RAB36: variants seen among roughly 807,000 people sequenced by gnomAD.
RAB36 encodes ras-related protein Rab-36.
RAB36 carries 33 observed loss-of-function variants against 39.3 expected under a neutral mutation model. The observed-to-expected ratio is 0.84, with a 90% CI of 0.64 to 1.12. The LOEUF (loss-of-function observed/expected upper bound fraction) is 1.12. Among genes scored for constraint, RAB36 ranks in the 50% most tolerant of loss-of-function variants. The pLI, the probability that RAB36 is intolerant of heterozygous loss-of-function variation, is 0.00. For missense variants in RAB36, 308 were observed against 355.3 expected (o/e 0.87, Z 1.07); for synonymous variants, 133 against 140.2 (o/e 0.95, Z 0.36).
downstream of RAB36, among the ~76,000 whole-genome samples, chr22:23,166,775 C>T (rs975825849): frequency 7.9e-5 from 12 of 152,272 alleles, no homozygotes; most frequent in African/African-American, 2.6e-4. Flanking sequence ...GAGCCCAGGT[C>T]ACCCCTGACC....
intron 5 of RAB36, chr22:23,153,488 C>T (rs2071280106): frequency 1.7e-5 from 15 of 866,988 alleles, no homozygotes; most frequent in Admixed American, 6.2e-5. Context: ...GGTGGCCTCC[C>T]GCAGGTTGCT....
chr22:23,165,029 C>G lies in RAB36; in HGVS notation c.*3465C>G, dbSNP rs1224625602. 6.6e-6 allele frequency among the ~76,000 whole-genome samples: 1 copy of G among 152,118 alleles called. No individual in the cohort carries two copies. Among genetic ancestry groups the G allele is most frequent in the Non-Finnish European group, 1.5e-5 (1 of 68,014 alleles). On this transcript the variant is annotated 3_prime_UTR_variant, in exon 11 of 11. Coordinates refer to ENST00000263116, the MANE Select transcript of RAB36 (RefSeq NM_004914.5). ...TCCCAGAGAGGCCTCTGTGGACACC[C>G]CCACAGCTCTCGCAGCACTTGATAC... is the stretch of plus-strand genomic sequence containing the variant.
chr22:23,150,491 C>CG (rs1163351517), intron 3 of RAB36, among the ~76,000 whole-genome samples: 1 of 151,806 alleles, frequency 6.6e-6, no homozygotes, highest in African/African-American at 2.4e-5. Context: ...TTAGTAGAGA[C>CG]GGGGTTTCAC....
At chr22:23,149,342 T>G (rs1780438880) in intron 2 of RAB36, among the ~76,000 whole-genome samples, 1 of 152,192 alleles carries the variant, frequency 6.6e-6, no homozygotes, top group Non-Finnish European at 1.5e-5. Flanking sequence ...TTAGTTTGTT[T>G]AATCTCATTT....
chr22:23,157,885 T>C, intron 6 of RAB36, 107 bp from the exon 7 acceptor site: 4 of 1,579,626 alleles, frequency 2.5e-6, no homozygotes, highest in Non-Finnish European at 3.4e-6. Context: ...GAGTGCCTGG[T>C]TGGGGGGCTG....
At chr22:23,153,544 C>T (rs1484450204) in intron 5 of RAB36, 2 of 984,562 alleles carry the variant, frequency 2.0e-6, no homozygotes, top group African/African-American at 3.5e-5. Flanking sequence ...GGGGTCAAAT[C>T]CAGTCCCTGC....
At chr22:23,151,551 G>C (rs938840584) in intron 3 of RAB36, among the ~76,000 whole-genome samples, 2 of 152,108 alleles carry the variant, frequency 1.3e-5, no homozygotes, top group African/African-American at 2.4e-5. Context: ...TGACCATTTG[G>C]CTCCTTGGGG....
chr22:23,161,100 G>A, intron 10 of RAB36, 102 bp downstream of exon 10: 2 of 1,402,822 alleles, frequency 1.4e-6, no homozygotes, highest in South Asian at 2.7e-5. Context: ...TCCTGAACTT[G>A]TGGCCCTCTC....
chr22:23,156,068 C>T, intron 6 of RAB36, 36 bp downstream of exon 6: 1 of 1,576,338 alleles, frequency 6.3e-7, no homozygotes, highest in Non-Finnish European at 8.7e-7. Context: ...CAACTGCATG[C>T]AGCAGCGGGG....
In RAB36 at chr22:23,148,416, G is replaced by A. The variant is rs946581269; in HGVS notation, c.70-1647G>A. ...GAAGAACCTCATTGGCAGAGCAGAC[G>A]GCGAGGATCAGAGTTAAGGAGGGTT... On this transcript the variant is annotated intron_variant, in intron 2 of 10. Coordinates refer to ENST00000263116, the MANE Select transcript of RAB36 (RefSeq NM_004914.5). Among the ~76,000 whole-genome samples, 3 of 152,266 alleles carry A rather than the reference G, an allele frequency of 2.0e-5. No homozygotes were observed. In the South Asian group the frequency reaches 6.2e-4, roughly 32 times the overall value.
In RAB36 at chr22:23,151,235, A is replaced by G. The variant is rs534803665; in HGVS notation, c.161+1081A>G. Among the ~76,000 whole-genome samples, 6 of 152,282 alleles carry G rather than the reference A, an allele frequency of 3.9e-5. No homozygotes were observed. In the South Asian group the frequency reaches 1.2e-3, roughly 32 times the overall value. On this transcript the variant is annotated intron_variant, in intron 3 of 10. Coordinates refer to ENST00000263116, the MANE Select transcript of RAB36 (RefSeq NM_004914.5). ...ATGAGAGTAATGGCATCTGTTGGGG[A>G]ATGCTGGTGCCATATCAGGTGCTTC...
At position 23,145,549 on chromosome 22, in the gene RAB36, C is replaced by G. The variant is rs1366511127; in HGVS notation, c.-15C>G. ...GGAGCCCCAGCTTTCACAGCCATCG[C>G]TGGTGAGTCAGCTCGCCCACTCTGT... On this transcript the variant is annotated splice_region_variant and 5_prime_UTR_variant, in exon 1 of 11. Transcript: ENST00000263116. 1 of 1,600,036 alleles carries G rather than the reference C, an allele frequency of 6.2e-7. No homozygotes were observed. The highest frequency in any genetic ancestry group is 1.3e-5 in the African/African-American group (1 of 74,812).
chr22:23,161,094 G>C lies in RAB36; in HGVS notation c.739+96G>C, dbSNP rs1307412358. On this transcript the variant is annotated intron_variant, in intron 10 of 10. Transcript: ENST00000263116. ...GTCACCTGAGGCCTTGCCATTTCCTGAACTTGTGGCCCTCTCCTGTCCTTT... is the reference window on the plus strand; with the variant it reads ...GTCACCTGAGGCCTTGCCATTTCCTCAACTTGTGGCCCTCTCCTGTCCTTT... 2.1e-6 allele frequency: 3 copies of C among 1,432,786 alleles called. No homozygotes were observed. The African/African-American group carries it at 4.3e-5, about 20-fold the overall frequency. The allele number at this position is 1,432,786 out of a possible 1,614,324, so 88.8% of individuals were successfully genotyped here. A position where few individuals can be genotyped will look rare whatever the true frequency, so the allele number is the denominator to read the frequency against.
chr22:23,160,601 G>T (rs1317039556), intron 9 of RAB36, among the ~76,000 whole-genome samples: 2 of 152,200 alleles, frequency 1.3e-5, no homozygotes, highest in Non-Finnish European at 2.9e-5. Context: ...GGAAGCAAAG[G>T]CTCAGAAGTT....
At chr22:23,153,453 G>T in intron 5 of RAB36, 1 of 517,960 alleles carries the variant, frequency 1.9e-6, no homozygotes, top group Non-Finnish European at 2.5e-6. Context: ...TAGGCCTCCT[G>T]TGATCCCACT....
In RAB36 at chr22:23,162,793, T is replaced by C. The variant is rs1416634984; in HGVS notation, c.*1229T>C. 1 of 455,538 alleles carries C rather than the reference T, an allele frequency of 2.2e-6. No homozygotes were observed. The highest frequency in any genetic ancestry group is 3.2e-4 in the Middle Eastern group (1 of 3,098). 28.2% of individuals were successfully genotyped at this position (455,538 alleles called of 1,614,324 possible). A position where few individuals can be genotyped will look rare whatever the true frequency, so the allele number is the denominator to read the frequency against. On this transcript the variant is annotated 3_prime_UTR_variant, in exon 11 of 11. Coordinates refer to ENST00000263116, the MANE Select transcript of RAB36 (RefSeq NM_004914.5). ...ACTGCTCTCCTAGGGCCTGGCACAC[T>C]GCAGCTGCCCTGTAAATGTTCAGCT...
At chr22:23,149,951 C>G (rs750687058) in intron 2 of RAB36, 112 bp from the exon 3 acceptor site, 22 of 814,042 alleles carry the variant, frequency 2.7e-5, no homozygotes, top group Non-Finnish European at 4.2e-5. Flanking sequence ...AGGCTGCCAG[C>G]TGTGAGGCCT....
chr22:23,146,516 T>C, intron 1 of RAB36, 89 bp from the exon 2 acceptor site: 1 of 1,527,840 alleles, frequency 6.5e-7, no homozygotes, highest in Non-Finnish European at 8.8e-7. Context: ...CCAGCCTGGA[T>C]CTGATGAAAA....
At position 23,165,191 on chromosome 22, in the gene RAB36, A is replaced by G. The variant is rs545759825; in HGVS notation, c.*3627A>G. 2.0e-3 allele frequency among the ~76,000 whole-genome samples: 305 copies of G among 152,266 alleles called. 1 individual carries two copies. Among genetic ancestry groups the G allele is most frequent in the African/African-American group, 6.9e-3 (288 of 41,546 alleles). On this transcript the variant is annotated 3_prime_UTR_variant, in exon 11 of 11. Coordinates refer to ENST00000263116, the MANE Select transcript of RAB36 (RefSeq NM_004914.5). ...GAAGGGCCCACAGTAGGTGCTCAAT[A>G]GATGTGTAAAGAAGGCAGGGAAGCA...
Sources: gnomAD v4.1 joint callset for allele counts (sites outside exome capture counted in the v4.1 genomes callset) on GRCh38, gnomAD v4.1.1 for gene constraint, MANE v1.5 for transcripts, NCBI Gene and HGNC (gene_info 2026-07-23, HGNC 2026-07-21) for gene names.